MTR: variants seen among roughly 807,000 people sequenced by gnomAD.
MTR encodes methionine synthase.
A neutral mutation model predicts 154.8 loss-of-function variants in MTR; 84 were observed. The observed-to-expected ratio is 0.54, with a 90% confidence interval of 0.45 to 0.65. The LOEUF is 0.65. MTR is among the 30% of genes least tolerant of loss of function. MTR has a pLI of 0.00. For missense variants in MTR, 1,275 were observed against 1,570.2 expected (o/e 0.81, Z 3.18); for synonymous variants, 554 against 553.9 (o/e 1.00, Z 0.00).
intron 4 of MTR, 87 bp from the exon 5 acceptor site, chr1:236,810,416 C>G (rs1661227492): frequency 2.7e-6 from 3 of 1,094,968 alleles, no homozygotes; most frequent in African/African-American, 1.5e-5. Context: ...GACCTGTGTT[C>G]CAGAAAAAAA....
At chr1:236,891,471 G>A (rs1366227667) in intron 29 of MTR, 142 bp downstream of exon 29, 9 of 863,354 alleles carry the variant, frequency 1.0e-5, no homozygotes, top group South Asian at 7.5e-5. Context: ...CCAGTCACAC[G>A]CCCAAGCCCA....
chr1:236,888,742 A>G (rs958678038), intron 27 of MTR, among the ~76,000 whole-genome samples: 2 of 152,236 alleles, frequency 1.3e-5, no homozygotes, highest in African/African-American at 4.8e-5. Flanking sequence ...TACTTTGAGC[A>G]TATGTGTCAG....
intron 6 of MTR, among the ~76,000 whole-genome samples, chr1:236,813,201 G>A (rs1424342654): frequency 6.6e-6 from 1 of 152,090 alleles, no homozygotes; most frequent in Admixed American, 6.5e-5. Context: ...TAGTTATCCA[G>A]CTCCCTTTCC....
At position 236,895,493 on chromosome 1, in the gene MTR, C is replaced by G; in HGVS notation, c.3541C>G (p.Pro1181Ala). The change falls in exon 31 of 33, where the codon CCC becomes GCC. Residue 1181 changes from proline (P) to alanine (A), a missense_variant. Pro to Ala is a conservative substitution (Grantham distance 27). Coordinates refer to ENST00000366577, the MANE Select transcript of MTR (RefSeq NM_000254.3). ...IRPAPGYPSQ[P>A]DHTEKLTMWR... Reference sequence around the variant, plus strand: ...CCCGGCTCCTGGCTACCCCAGCCAGCCCGACCACACCGAGAAGCTCACCAT... The same window carrying G: ...CCCGGCTCCTGGCTACCCCAGCCAGGCCGACCACACCGAGAAGCTCACCAT... 6.3e-7 allele frequency: 1 copy of G among 1,594,750 alleles called. No homozygotes were observed. Among genetic ancestry groups the G allele is most frequent in the Non-Finnish European group, 8.5e-7 (1 of 1,170,096 alleles).
chr1:236,885,084 C>A, intron 25 of MTR, 37 bp from the exon 26 acceptor site: 2 of 1,318,068 alleles, frequency 1.5e-6, no homozygotes, highest in Non-Finnish European at 2.2e-6. Context: ...CCAGTTTTAT[C>A]ATCTTTTGCT....
rs931972359 is a variant in MTR, at chr1:236,862,333, T to C, written c.2294T>C (p.Val765Ala). Residue 765 changes from valine to alanine, a missense_variant, in exon 21 of 33, where the codon GTA becomes GCA. Val to Ala is a moderately conservative substitution (Grantham distance 64, BLOSUM62 0). Coordinates refer to ENST00000366577, the MANE Select transcript of MTR (RefSeq NM_000254.3). ...REETRVLNGT[V>A]EEEDPYQGTI... is the part of the protein sequence containing the mutation. ...GAAACCAGAGTGCTTAACGGCACAG[T>C]AGAAGAAGAGGCAAGTCATTTTGTT... 1.9e-6 allele frequency: 3 copies of C among 1,613,230 alleles called. No individual in the cohort carries two copies. The highest frequency in any genetic ancestry group is 1.7e-5 in the Admixed American group (1 of 60,020).
rs1256175038 is a variant in MTR, at chr1:236,850,438, A to C, written c.1610A>C (p.Asp537Ala). Residue 537 changes from aspartate (D) to alanine (A), a missense_variant, in exon 16 of 33, where the codon GAC (aspartate) becomes GCC (alanine). Physicochemically the swap from Asp to Ala is moderately radical, Grantham distance 126. Transcript: ENST00000366577. ...TTTAATCCAAATGACATTATTTTTG[A>C]CCCTAATATCCTAACCATTGGGACT... Reference protein sequence around the residue: ...LGFNPNDIIFDPNILTIGTGM... With the variant: ...LGFNPNDIIFAPNILTIGTGM... The C allele has an allele frequency of 6.2e-7, 1 of 1,613,532 alleles. No individual in the cohort carries two copies. The highest frequency in any genetic ancestry group is 1.3e-5 in the African/African-American group (1 of 74,800).
chr1:236,897,412 T>TA (rs1666724908), intron 32 of MTR, 146 bp from the exon 33 acceptor site: 1 of 832,546 alleles, frequency 1.2e-6, no homozygotes, highest in Non-Finnish European at 2.0e-6. Flanking sequence ...ACTTGGTAGA[T>TA]AAATATCTAT....
chr1:236,860,065 AGCTGCC>A, intron 19 of MTR, 143 bp downstream of exon 19: 2 of 295,818 alleles, frequency 6.8e-6, no homozygotes, highest in Non-Finnish European at 1.2e-5. Flanking sequence ...GCTGTCCCCC[AGCTGCC>A]CCCCCCCCCC....
intron 29 of MTR, among the ~76,000 whole-genome samples, chr1:236,893,976 TA>T (rs1357341573): frequency 6.6e-6 from 1 of 152,132 alleles, no homozygotes; most frequent in Non-Finnish European, 1.5e-5. Flanking sequence ...GTGCTGGACT[TA>T]ATTGAAAACA....
intron 1 of MTR, chr1:236,800,216 T>C (rs1393582810): frequency 6.1e-6 from 6 of 985,316 alleles, no homozygotes; most frequent in Non-Finnish European, 2.4e-6. Flanking sequence ...TAATAGGATA[T>C]TGATTGATAT....
intron 5 of MTR, among the ~76,000 whole-genome samples, chr1:236,811,133 C>T (rs532489460): frequency 1.7e-4 from 26 of 152,222 alleles, no homozygotes; most frequent in African/African-American, 5.3e-4. Flanking sequence ...ACGTCTTACA[C>T]GGATGGTAGC....
rs980287081 is a variant in MTR at position 236,880,970 on chromosome 1, G to A, written c.2676+134G>A. The A allele has an allele frequency of 1.8e-5, 16 of 889,930 alleles. No homozygotes were observed. The Admixed American group carries it at 1.8e-4, about 10-fold the overall frequency. 55.1% of individuals were successfully genotyped at this position (889,930 alleles called of 1,614,324 possible). On this transcript the variant is annotated intron_variant, in intron 25 of 32. Transcript: ENST00000366577. ...GTCAAAGAGCAGCCTGAGGCTCATG[G>A]TGTGCCTCTGCAGTGACTGCCTTGC...
At chr1:236,858,066 G>A (rs1013709515) in intron 18 of MTR, among the ~76,000 whole-genome samples, 13 of 152,200 alleles carry the variant, frequency 8.5e-5, no homozygotes, top group African/African-American at 2.7e-4. Context: ...AAGTGTTCTG[G>A]ATGGCTGAAG....
At position 236,898,619 on chromosome 1, in the gene MTR, T is replaced by C. The variant is rs1191758729; in HGVS notation, c.*975T>C. The C allele has an allele frequency of 6.6e-6, 1 of 152,166 alleles. No individual in the cohort carries two copies. Among genetic ancestry groups the C allele is most frequent in the Admixed American group, 6.5e-5 (1 of 15,268 alleles). The allele number at this position is 152,166 out of a possible 1,614,324, so 9.4% of individuals were successfully genotyped here. On this transcript the variant is annotated 3_prime_UTR_variant, in exon 33 of 33. Transcript: ENST00000366577. The stretch of plus-strand genomic sequence containing the variant: ...AAGTAGAGACAGGATTTCACTGTGT[T>C]AGCCAGGATGGTCTTGATCTCCCGA...
chr1:236,892,034 C>CAA (rs1666357733), intron 29 of MTR, among the ~76,000 whole-genome samples: 1 of 152,170 alleles, frequency 6.6e-6, no homozygotes, highest in Non-Finnish European at 1.5e-5. Context: ...TTTGAAAAGG[C>CAA]AAATATCATA....
intron 14 of MTR, among the ~76,000 whole-genome samples, chr1:236,836,018 T>C (rs1662885491): frequency 6.6e-6 from 1 of 152,134 alleles, no homozygotes; most frequent in Non-Finnish European, 1.5e-5. Flanking sequence ...ATTTCTACCA[T>C]AGGCAAGGGA....
At chr1:236,865,996 G>C (rs953723275) in intron 22 of MTR, among the ~76,000 whole-genome samples, 1 of 152,114 alleles carries the variant, frequency 6.6e-6, no homozygotes. Context: ...CAGGGCTTTT[G>C]GTTCTAAAAG....
intron 22 of MTR, among the ~76,000 whole-genome samples, chr1:236,871,218 A>G (rs1665110797): frequency 6.6e-6 from 1 of 152,154 alleles, no homozygotes; most frequent in Non-Finnish European, 1.5e-5. Flanking sequence ...GTCTCTGGAA[A>G]ATGGAGTCCA....
Sources: allele counts gnomAD v4.1 joint callset (sites outside exome capture counted in the v4.1 genomes callset), GRCh38; gene constraint gnomAD v4.1.1; transcripts MANE v1.5; gene names NCBI Gene and HGNC (gene_info 2026-07-23, HGNC 2026-07-21).